Variants in UBE2J1 observed in about 807,000 individuals in gnomAD.
UBE2J1 encodes ubiquitin conjugating enzyme E2 J1, also known as ubiquitin-conjugating enzyme E2 J1.
UBE2J1 carries 17 observed loss-of-function variants against 42.1 expected under a neutral mutation model. That is an observed-to-expected ratio of 0.40 (90% confidence interval 0.28 to 0.61). UBE2J1 has a LOEUF of 0.61. Among genes scored for constraint, UBE2J1 ranks in the 20% least tolerant of loss-of-function variants. The pLI is 0.38. For synonymous variants in UBE2J1, 127 were observed against 137.2 expected, an observed-to-expected ratio of 0.93 and a Z score of 0.52; for missense variants, 291 against 389.4, an observed-to-expected ratio of 0.75 and a Z score of 2.13.
At chr6:89,338,652 AGTTTG>A in intron 3 of UBE2J1, 109 bp from the exon 4 acceptor site, 1 of 249,156 alleles carries the variant, frequency 4.0e-6, no homozygotes. Context: ...TATCTTAAAA[AGTTTG>A]TTTTTTTTTT....
chr6:89,342,205 AC>A (rs1168818437), intron 3 of UBE2J1, 118 bp downstream of exon 3: 5 of 1,110,804 alleles, frequency 4.5e-6, no homozygotes, highest in South Asian at 1.5e-5. Flanking sequence ...CAGGGCCTGG[AC>A]CCCAAAAGCA....
At position 89,335,354 on chromosome 6, in the gene UBE2J1, G is replaced by A; in HGVS notation, c.506C>T (p.Ser169Leu). The change falls in exon 6 of 8, where the codon TCA (serine) becomes TTA (leucine). Residue 169 changes from serine (S) to leucine (L), a missense_variant. By Grantham distance (145) the Ser-to-Leu change is moderately radical (BLOSUM62 -2). Around this residue, in one of 2 missense-constraint regions of UBE2J1, gnomAD observed 176 missense variants for 196.3 expected, o/e 0.90. Transcript: ENST00000435041. The part of the protein sequence containing the change: ...VLLPLKSGSD[S>L]SQADQEAKEL... ...TTTGGCTTCTTGGTCAGCTTGGCTT[G>A]AATCGCTTCCAGATTTTAAAGGCAA... 6.2e-7 allele frequency: 1 copy of A among 1,609,358 alleles called. No homozygotes were observed. The highest frequency in any genetic ancestry group is 8.5e-7 in the Non-Finnish European group (1 of 1,176,988).
At position 89,343,665 on chromosome 6, in the gene UBE2J1, A is replaced by C. The variant is rs777222690; in HGVS notation, c.105+18T>G. On this transcript the variant is annotated intron_variant, in intron 2 of 7. Transcript: ENST00000435041. ...AAATATTAAAATCCATATGAAGAAC[A>C]TGGAGATAGAAACTAACCTCTAAAG... The C allele has an allele frequency of 2.1e-5, 33 of 1,571,314 alleles. No homozygotes were observed. The South Asian group carries it at 3.6e-4, about 17-fold the overall frequency.
At chr6:89,334,056 T>C (rs1200945768) in intron 6 of UBE2J1, among the ~76,000 whole-genome samples, 1 of 152,322 alleles carries the variant, frequency 6.6e-6, no homozygotes, top group East Asian at 1.9e-4. Flanking sequence ...CAGGCTGGAG[T>C]GCAGAGGCAC....
At position 89,343,823 on chromosome 6, in the gene UBE2J1, C is replaced by T. The variant is rs55863618; in HGVS notation, c.32-67G>A. On this transcript the variant is annotated intron_variant, in intron 1 of 7. Transcript: ENST00000435041. Reference sequence around the variant, plus strand: ...TTTCTGAATGATTAGCACAGTCTTACGAGCCTAATGAAAAAATGTGTAGAG... The same window carrying T: ...TTTCTGAATGATTAGCACAGTCTTATGAGCCTAATGAAAAAATGTGTAGAG... 1.9e-4 allele frequency: 246 copies of T among 1,278,694 alleles called. No homozygotes were observed. In the African/African-American group the frequency reaches 3.1e-3, roughly 16 times the overall value. 79.2% of individuals were successfully genotyped at this position (1,278,694 alleles called of 1,614,324 possible).
rs149761290 is a variant in UBE2J1, at chr6:89,329,806, G to A, written c.830C>T (p.Pro277Leu). Reference sequence around the variant, plus strand: ...ACCATGATCAGTGTGGTTGTCTCTTGGCTGGTGGCCCTGGATTACATCTGG... The same window carrying A: ...ACCATGATCAGTGTGGTTGTCTCTTAGCTGGTGGCCCTGGATTACATCTGG... ...TSPDVIQGHQ[P>L]RDNHTDHGGS... Residue 277 changes from proline (P) to leucine (L), a missense_variant, in exon 8 of 8, where the codon CCA becomes CTA. Transcript: ENST00000435041. The A allele has an allele frequency of 3.9e-5, 63 of 1,613,994 alleles. No homozygotes were observed. The African/African-American group carries it at 7.5e-4, about 19-fold the overall frequency.
chr6:89,338,765 A>C (rs1039193855), intron 3 of UBE2J1, among the ~76,000 whole-genome samples: 1 of 141,934 alleles, frequency 7.0e-6, no homozygotes, highest in Non-Finnish European at 1.5e-5. Flanking sequence ...TCCCGGGTTC[A>C]CGCCATTCTC....
At chr6:89,330,069 C>G (rs1487564392) in intron 7 of UBE2J1, 112 bp from the exon 8 acceptor site, 4 of 1,033,148 alleles carry the variant, frequency 3.9e-6, no homozygotes, top group Non-Finnish European at 5.7e-6. Flanking sequence ...CTAAGGGCAA[C>G]ACTACCAAGA....
Position 89,336,845 on chromosome 6 carries a change from G to T in UBE2J1, c.428+1360C>A, listed in dbSNP as rs1380298174. On this transcript the variant is annotated intron_variant, in intron 5 of 7. Coordinates refer to ENST00000435041, the MANE Select transcript of UBE2J1 (RefSeq NM_016021.3). ...ACCACGGTTGAATGCAAAAATCTTTGTTTTTTTTTTTTGAGACAAGGTCTC... is the reference window on the plus strand; with the variant it reads ...ACCACGGTTGAATGCAAAAATCTTTTTTTTTTTTTTTTGAGACAAGGTCTC... Among the ~76,000 whole-genome samples the T allele has an allele frequency of 2.6e-4, 37 of 142,892 alleles. 1 individual carries two copies. In the South Asian group the frequency reaches 6.9e-3, roughly 27 times the overall value. The allele number at this position is 142,892 out of a possible 152,430, so 93.7% of individuals were successfully genotyped here.
At chr6:89,340,742 GTATT>G (rs138529944) in intron 3 of UBE2J1, among the ~76,000 whole-genome samples, 41,482 of 148,124 alleles carry the variant, frequency 0.28, 6,053 homozygotes, top group Middle Eastern at 0.4. Context: ...CATTAATTTG[GTATT>G]TATTTATTTA....
intron 1 of UBE2J1, among the ~76,000 whole-genome samples, chr6:89,347,574 A>G (rs1768386193): frequency 6.6e-6 from 1 of 152,252 alleles, no homozygotes; most frequent in South Asian, 2.1e-4. Flanking sequence ...AGGAACAATC[A>G]TTGGTTCAAC....
Position 89,338,078 on chromosome 6 carries a change from G to T in UBE2J1, c.428+127C>A, listed in dbSNP as rs146885582. ...ACTGAATTCCTAAAAGAGCAAAACTGAGATAAGATCCTGTAGCTACAGTCA... is the reference window on the plus strand; with the variant it reads ...ACTGAATTCCTAAAAGAGCAAAACTTAGATAAGATCCTGTAGCTACAGTCA... On this transcript the variant is annotated intron_variant, in intron 5 of 7. Transcript: ENST00000435041. The T allele has an allele frequency of 6.2e-4, 373 of 598,678 alleles. 1 individual carries two copies. The highest frequency in any genetic ancestry group is 4.4e-3 in the African/African-American group (232 of 53,160). The allele number at this position is 598,678 out of a possible 1,614,324, so 37.1% of individuals were successfully genotyped here.
intron 7 of UBE2J1, among the ~76,000 whole-genome samples, chr6:89,331,912 T>C (rs1324515455): frequency 1.3e-5 from 2 of 152,344 alleles, no homozygotes; most frequent in Admixed American, 1.3e-4. Context: ...AATTAATTCA[T>C]TGTTTTCCCC....
chr6:89,347,977 A>C (rs1768393092), intron 1 of UBE2J1, among the ~76,000 whole-genome samples: 1 of 152,214 alleles, frequency 6.6e-6, no homozygotes, highest in Non-Finnish European at 1.5e-5. Flanking sequence ...ACCATGCCTC[A>C]GCAGATTTCG....
At chr6:89,345,350 C>T (rs1341920408) in intron 1 of UBE2J1, among the ~76,000 whole-genome samples, 2 of 152,288 alleles carry the variant, frequency 1.3e-5, no homozygotes, top group Admixed American at 6.5e-5. Context: ...GCCTGTAATC[C>T]TAGCACTTTG....
intron 1 of UBE2J1, among the ~76,000 whole-genome samples, chr6:89,345,998 C>T (rs1768357204): frequency 6.6e-6 from 1 of 151,846 alleles, no homozygotes; most frequent in African/African-American, 2.4e-5. Context: ...TCATGCAGTC[C>T]TCCCACCTTG....
chr6:89,328,764 T>C lies in UBE2J1; in HGVS notation c.*915A>G, dbSNP rs1245603254. On this transcript the variant is annotated 3_prime_UTR_variant, in exon 8 of 8. Coordinates refer to ENST00000435041, the MANE Select transcript of UBE2J1 (RefSeq NM_016021.3). ...TGGGCCCTGAGGTTTTCTATTAAAA[T>C]AGGACATGAAATATTTCAATATTAT... 1.3e-5 allele frequency: 2 copies of C among 152,168 alleles called. No homozygotes were observed. The highest frequency in any genetic ancestry group is 2.9e-5 in the Non-Finnish European group (2 of 68,024). 9.4% of individuals were successfully genotyped at this position (152,168 alleles called of 1,614,324 possible).
In UBE2J1 at chr6:89,327,720, T is replaced by C. The variant is rs543554959; in HGVS notation, c.*1959A>G. The C allele has an allele frequency of 2.0e-5, 3 of 152,236 alleles. No individual in the cohort carries two copies. The highest frequency in any genetic ancestry group is 4.4e-5 in the Non-Finnish European group (3 of 68,060). The allele number at this position is 152,236 out of a possible 1,614,324, so 9.4% of individuals were successfully genotyped here. A position where few individuals can be genotyped will look rare whatever the true frequency, so the allele number is the denominator to read the frequency against. ...TGGCTTAAAGTATAGGTACACCCCA[T>C]GGAAACATGCAATAAGATCACATCG... On this transcript the variant is annotated 3_prime_UTR_variant, in exon 8 of 8. Transcript: ENST00000435041.
chr6:89,349,550 C>A (rs1421787068), intron 1 of UBE2J1, among the ~76,000 whole-genome samples: 1 of 152,094 alleles, frequency 6.6e-6, no homozygotes, highest in South Asian at 2.1e-4. Flanking sequence ...CTGTCTATCC[C>A]TGAGATATGA....
Sources: gnomAD v4.1 joint callset for allele counts (sites outside exome capture counted in the v4.1 genomes callset) on GRCh38, gnomAD v4.1.1 for gene constraint, gnomAD v4.1.1 regional missense constraint, MANE v1.5 for transcripts, NCBI Gene and HGNC (gene_info 2026-07-23, HGNC 2026-07-21) for gene names.